Variants in FBXO42 observed in about 807,000 individuals in gnomAD.
The protein encoded by FBXO42 is F-box only protein 42.
FBXO42 carries 12 observed loss-of-function variants against 71.7 expected under a neutral mutation model. The ratio of observed to expected loss-of-function variants is 0.17; its 90% confidence interval spans 0.11 to 0.27. The LOEUF (loss-of-function observed/expected upper bound fraction) is 0.27. Ranked by LOEUF, FBXO42 falls within the 10% of genes least tolerant of loss-of-function variation. The probability of loss-of-function intolerance (pLI) is 1.00; values close to 1 mark genes in which losing one functional copy is unlikely to be tolerated. For missense variants in FBXO42, 707 were observed against 911.9 expected (o/e 0.78, Z 2.89); for synonymous variants, 325 against 327.5 (o/e 0.99, Z 0.08).
intron 4 of FBXO42, among the ~76,000 whole-genome samples, chr1:16,263,866 G>A (rs369241703): frequency 1.1e-3 from 153 of 144,506 alleles, no homozygotes; most frequent in African/African-American, 3.8e-3. Context: ...GCTGGAGTGC[G>A]ATGGCACAAT....
At position 16,352,392 on chromosome 1, in the gene FBXO42, C is replaced by G. The variant is rs1313231580; in HGVS notation, c.-155G>C. ...CGGGGCTCCTCACAGCTGGCGGGACCCCGAGCCGCCCGGAGCCGCCATCTT... is the reference window on the plus strand; with the variant it reads ...CGGGGCTCCTCACAGCTGGCGGGACGCCGAGCCGCCCGGAGCCGCCATCTT... On this transcript the variant is annotated 5_prime_UTR_variant, in exon 1 of 10. Transcript: ENST00000375592. 4 of 399,492 alleles carry G rather than the reference C, an allele frequency of 1.0e-5. No homozygotes were observed. The highest frequency in any genetic ancestry group is 2.1e-5 in the African/African-American group (1 of 48,626). 24.7% of individuals were successfully genotyped at this position (399,492 alleles called of 1,614,324 possible).
chr1:16,311,048 C>T (rs1271365291), intron 2 of FBXO42, among the ~76,000 whole-genome samples: 1 of 144,524 alleles, frequency 6.9e-6, no homozygotes, highest in East Asian at 2.0e-4. Context: ...GGGTCAACGC[C>T]GGGCACGGTG....
chr1:16,327,105 C>T (rs1229389516), intron 1 of FBXO42, among the ~76,000 whole-genome samples: 1 of 152,160 alleles, frequency 6.6e-6, no homozygotes, highest in Non-Finnish European at 1.5e-5. Context: ...TATCTTTGTA[C>T]ATCTGGCACA....
In FBXO42 at chr1:16,294,778, C is replaced by G. The variant is rs748929089; in HGVS notation, c.502+5G>C. 6.2e-7 allele frequency: 1 copy of G among 1,613,202 alleles called. No individual in the cohort carries two copies. The highest frequency in any genetic ancestry group is 8.5e-7 in the Non-Finnish European group (1 of 1,179,652). Reference sequence around the variant, plus strand: ...GGAGGCAAAGATCAGCATTTCATCTCTTACCTGAAGCCAAAGGTCGGATCC... The same window carrying G: ...GGAGGCAAAGATCAGCATTTCATCTGTTACCTGAAGCCAAAGGTCGGATCC... On this transcript the variant is annotated splice_donor_5th_base_variant and intron_variant, in intron 4 of 9. Transcript: ENST00000375592.
chr1:16,250,533 T>G lies in FBXO42; in HGVS notation c.*137A>C. The G allele has an allele frequency of 1.3e-6, 1 of 762,174 alleles. No individual in the cohort carries two copies. Among genetic ancestry groups the G allele is most frequent in the Non-Finnish European group, 2.0e-6 (1 of 493,892 alleles). The allele number at this position is 762,174 out of a possible 1,614,324, so 47.2% of individuals were successfully genotyped here. On this transcript the variant is annotated 3_prime_UTR_variant, in exon 10 of 10. Coordinates refer to ENST00000375592, the MANE Select transcript of FBXO42 (RefSeq NM_018994.3). The surrounding 1 kb of genome is among the most constrained non-coding windows in gnomAD (Gnocchi z 4.7). ...TCTTAATGGAGATTTGATCCCAGCC[T>G]GGAGTGACTTCGGTTGGGAATTAAA...
At chr1:16,300,860 T>C (rs557125927) in intron 3 of FBXO42, among the ~76,000 whole-genome samples, 1 of 151,530 alleles carries the variant, frequency 6.6e-6, no homozygotes, top group Non-Finnish European at 1.5e-5. Flanking sequence ...CATGATTAGC[T>C]ATGCACACAT....
At chr1:16,323,034 T>C (rs959396139) in intron 1 of FBXO42, among the ~76,000 whole-genome samples, 5 of 152,380 alleles carry the variant, frequency 3.3e-5, no homozygotes, top group African/African-American at 1.2e-4. Flanking sequence ...AAACACATCT[T>C]TATTAAAGTT....
At chr1:16,314,613 C>A (rs2082345150) in intron 2 of FBXO42, among the ~76,000 whole-genome samples, 2 of 152,130 alleles carry the variant, frequency 1.3e-5, no homozygotes, top group South Asian at 2.1e-4. Flanking sequence ...TCTATTTTGC[C>A]CATTCAAGAA....
intron 2 of FBXO42, among the ~76,000 whole-genome samples, chr1:16,306,590 G>A (rs1388141850): frequency 2.0e-5 from 3 of 152,162 alleles, no homozygotes; most frequent in African/African-American, 7.2e-5. Flanking sequence ...ATAAAACAAT[G>A]TCTAGAACAT....
chr1:16,332,286 G>A (rs1466299221), intron 1 of FBXO42, among the ~76,000 whole-genome samples: 1 of 151,972 alleles, frequency 6.6e-6, no homozygotes, highest in South Asian at 2.1e-4. Flanking sequence ...AAATTTATAG[G>A]TTAAAATTTT....
intron 4 of FBXO42, among the ~76,000 whole-genome samples, chr1:16,290,712 A>G (rs1427640205): frequency 6.6e-6 from 1 of 151,822 alleles, no homozygotes; most frequent in Non-Finnish European, 1.5e-5. Flanking sequence ...AAGAGATGCC[A>G]GAGCTCACTC....
chr1:16,251,401 C>T lies in FBXO42; in HGVS notation c.1423G>A (p.Asp475Asn), dbSNP rs201096764. The T allele has an allele frequency of 9.3e-6, 15 of 1,613,894 alleles. No homozygotes were observed. In the Middle Eastern group the frequency reaches 4.9e-4, roughly 53 times the overall value. ...GCCAAAGAAAGTCCTATTTTCAGGT[C>T]GTATCCTTCAGGAGCAGATGGAGTA... is the stretch of plus-strand genomic sequence containing the variant. ...PSTPSAPEGY[D>N]LKIGLSLAPR... The change falls in exon 10 of 10, where the codon GAC becomes AAC. Residue 475 changes from aspartate (D) to asparagine (N), a missense_variant. Coordinates refer to ENST00000375592, the MANE Select transcript of FBXO42 (RefSeq NM_018994.3). This position sits in a 1 kb window ranked among gnomAD's most constrained non-coding sequence, Gnocchi z 4.5.
intron 5 of FBXO42, 114 bp from the exon 6 acceptor site, chr1:16,255,935 T>A (rs2100433132): frequency 1.4e-6 from 1 of 739,836 alleles, no homozygotes; most frequent in East Asian, 2.8e-5. Context: ...CAGAGATTTG[T>A]TGGGATAATA....
chr1:16,315,132 G>A, intron 2 of FBXO42, 37 bp downstream of exon 2: 1 of 1,552,636 alleles, frequency 6.4e-7, no homozygotes, highest in East Asian at 2.3e-5. Context: ...AGTGAAATTT[G>A]AAATCAATAA....
intron 4 of FBXO42, among the ~76,000 whole-genome samples, chr1:16,268,421 C>G (rs373034537): frequency 6.6e-6 from 1 of 152,082 alleles, no homozygotes; most frequent in Non-Finnish European, 1.5e-5. Flanking sequence ...TCTAAATAAA[C>G]AAGAAGGATT....
intron 2 of FBXO42, among the ~76,000 whole-genome samples, chr1:16,310,485 C>A (rs1251987641): frequency 1.3e-5 from 2 of 152,112 alleles, no homozygotes; most frequent in African/African-American, 4.8e-5. Context: ...GAGCCCTGAT[C>A]ACGCCACTAG....
intron 2 of FBXO42, among the ~76,000 whole-genome samples, chr1:16,309,986 G>A (rs1034884480): frequency 1.3e-5 from 2 of 151,914 alleles, no homozygotes; most frequent in Admixed American, 1.3e-4. Flanking sequence ...ACAAGGTCAG[G>A]AGATCGAGAC....
intron 1 of FBXO42, among the ~76,000 whole-genome samples, chr1:16,335,384 T>G (rs1440599392): frequency 6.6e-6 from 1 of 152,174 alleles, no homozygotes. Flanking sequence ...GTGATCCTCC[T>G]GTATTGGCAT....
chr1:16,281,991 T>C, intron 4 of FBXO42, among the ~76,000 whole-genome samples: 1 of 151,950 alleles, frequency 6.6e-6, no homozygotes, highest in East Asian at 1.9e-4. Flanking sequence ...TGAGCCACCA[T>C]GCCTGGCCAA....
Sources: gnomAD v4.1 joint callset for allele counts (sites outside exome capture counted in the v4.1 genomes callset) on GRCh38, gnomAD v4.1.1 for gene constraint, Gnocchi (gnomAD v3.1) non-coding constraint, MANE v1.5 for transcripts, NCBI Gene and HGNC (gene_info 2026-07-23, HGNC 2026-07-21) for gene names.